ALDH4A1: variants seen among roughly 807,000 people sequenced by gnomAD.
ALDH4A1 encodes the protein delta-1-pyrroline-5-carboxylate dehydrogenase, mitochondrial.
A neutral mutation model predicts 70.5 loss-of-function variants in ALDH4A1; 46 were observed. That is an observed-to-expected ratio of 0.65 (90% CI 0.51 to 0.83). The LOEUF is 0.83. ALDH4A1 is among the 40% of genes least tolerant of loss of function. The pLI, the probability that ALDH4A1 is intolerant of heterozygous loss-of-function variation, is 0.00. For synonymous variants in ALDH4A1, 323 were observed against 324.3 expected, an observed-to-expected ratio of 1.00 and a Z score of 0.04; for missense variants, 749 against 766.5, an observed-to-expected ratio of 0.98 and a Z score of 0.27.
intron 3 of ALDH4A1, among the ~76,000 whole-genome samples, chr1:18,888,464 A>G (rs1315296873): frequency 6.6e-6 from 1 of 152,250 alleles, no homozygotes. Context: ...CGGCAAGGCA[A>G]TGTGGGAAAT....
Position 18,902,468 on chromosome 1 carries a change from C to G in ALDH4A1, c.56G>C (p.Gly19Ala). ...GGGCCCCGTGCTCACTCACCCGGCC[C>G]CGGTCCAGGGGCGGGACAGCAGGGC... is the stretch of plus-strand genomic sequence containing the variant. ...RRALLSRPWT[G>A]AGLRWKHTSS... Residue 19 changes from glycine to alanine, a missense_variant, in exon 1 of 15, where the codon GGG becomes GCG. Gly to Ala is a moderately conservative substitution (Grantham distance 60). Coordinates refer to ENST00000375341, the MANE Select transcript of ALDH4A1 (RefSeq NM_003748.4). The G allele has an allele frequency of 7.1e-7, 1 of 1,404,906 alleles. No individual in the cohort carries two copies. The highest frequency in any genetic ancestry group is 9.3e-7 in the Non-Finnish European group (1 of 1,078,940). The allele number at this position is 1,404,906 out of a possible 1,614,324, so 87.0% of individuals were successfully genotyped here.
Position 18,876,416 on chromosome 1 carries a change from G to C in ALDH4A1, c.1237C>G (p.Leu413Val), listed in dbSNP as rs1934684247. The change falls in exon 12 of 15, where the codon CTC becomes GTC. Residue 413 changes from leucine (L) to valine (V), a missense_variant. Transcript: ENST00000375341. ...CACTTGCCCCCGGCCAGGATGGTGAGGCTGGGTGAGGAGCGTGCGTGCTCC... is the reference window on the plus strand; with the variant it reads ...CACTTGCCCCCGGCCAGGATGGTGACGCTGGGTGAGGAGCGTGCGTGCTCC... ...WLEHARSSPS[L>V]TILAGGKCDD... The C allele has an allele frequency of 6.2e-7, 1 of 1,612,240 alleles. No homozygotes were observed. Among genetic ancestry groups the C allele is most frequent in the African/African-American group, 1.3e-5 (1 of 74,886 alleles).
rs943604392 is a variant in ALDH4A1 at position 18,880,254 on chromosome 1, C to T, written c.867-881G>A. Among the ~76,000 whole-genome samples the T allele has an allele frequency of 6.0e-5, 9 of 150,850 alleles. No individual in the cohort carries two copies. Among genetic ancestry groups the T allele is most frequent in the African/African-American group, 9.8e-5 (4 of 40,998 alleles). On this transcript the variant is annotated intron_variant, in intron 8 of 14. Transcript: ENST00000375341. The surrounding 1 kb of genome is among the most constrained non-coding windows in gnomAD (Gnocchi z 5.1). The stretch of plus-strand genomic sequence containing the variant: ...AAGGACCCTGAGCTGCAGACCCGGG[C>T]GTCTGGCTGCCTCCAGGCATCTCCA...
Position 18,877,436 on chromosome 1 carries a change from T to C in ALDH4A1, c.1117A>G (p.Ser373Gly). The change falls in exon 10 of 15, where the codon AGT (serine) becomes GGT (glycine). Residue 373 changes from serine (S) to glycine (G), a missense_variant. Transcript: ENST00000375341. ...QIKGRLLEEH[S>G]RIKVGDPAED... Reference sequence around the variant, plus strand: ...CTCACGTCGCCCACTTTGATCCGACTGTGCTCCTCCAGCAGCCGCCCTTTG... The same window carrying C: ...CTCACGTCGCCCACTTTGATCCGACCGTGCTCCTCCAGCAGCCGCCCTTTG... The C allele has an allele frequency of 6.3e-7, 1 of 1,583,712 alleles. No homozygotes were observed. The highest frequency in any genetic ancestry group is 1.1e-5 in the South Asian group (1 of 87,328).
At chr1:18,902,425 G>A (rs1935832203) in intron 1 of ALDH4A1, 37 bp downstream of exon 1, 3 of 1,308,306 alleles carry the variant, frequency 2.3e-6, no homozygotes, top group South Asian at 4.1e-5. Context: ...GGCCCCAGGC[G>A]CGCGCTCGGG....
At position 18,877,415 on chromosome 1, in the gene ALDH4A1, C is replaced by T. The variant is rs1481112415; in HGVS notation, c.1137+1G>A. ...GCGGCGGGGGTGACGGTGCCACTCACGTCGCCCACTTTGATCCGACTGTGC... is the reference window on the plus strand; with the variant it reads ...GCGGCGGGGGTGACGGTGCCACTCATGTCGCCCACTTTGATCCGACTGTGC... On this transcript the variant is annotated splice_donor_variant, in intron 10 of 14. Transcript: ENST00000375341. LOFTEE classifies it high-confidence loss of function. 6.4e-7 allele frequency: 1 copy of T among 1,566,854 alleles called. No homozygotes were observed. The highest frequency in any genetic ancestry group is 8.7e-7 in the Non-Finnish European group (1 of 1,155,014).
chr1:18,885,762 C>T, intron 4 of ALDH4A1, 134 bp from the exon 5 acceptor site: 2 of 1,287,710 alleles, frequency 1.6e-6, no homozygotes, highest in Non-Finnish European at 2.1e-6. Flanking sequence ...GGCCCTCAGC[C>T]CCCTGCCACC....
intron 9 of ALDH4A1, among the ~76,000 whole-genome samples, 162 bp from the exon 10 acceptor site, chr1:18,877,774 A>G (rs1454641660): frequency 6.6e-6 from 1 of 152,192 alleles, no homozygotes; most frequent in East Asian, 1.9e-4. Flanking sequence ...AACATCCCAG[A>G]GACCCACGGG....
At chr1:18,877,662 TTG>T (rs755759068) in intron 9 of ALDH4A1, 50 bp from the exon 10 acceptor site, 1 of 1,355,142 alleles carries the variant, frequency 7.4e-7, no homozygotes, top group South Asian at 1.2e-5. Flanking sequence ...GCTCCCCCGG[TTG>T]CCCAGGGGCC....
At chr1:18,881,567 T>C (rs2100570919) in intron 8 of ALDH4A1, 133 bp downstream of exon 8, 7 of 939,624 alleles carry the variant, frequency 7.4e-6, no homozygotes, top group Non-Finnish European at 1.2e-5. Context: ...GGCTCACTCA[T>C]AGCCACACAG....
chr1:18,874,408 T>C, intron 14 of ALDH4A1, 55 bp downstream of exon 14: 2 of 1,526,058 alleles, frequency 1.3e-6, no homozygotes, highest in Non-Finnish European at 1.8e-6. Context: ...AGACGTAACA[T>C]CTAGGGTCTC....
At chr1:18,875,592 C>T in intron 12 of ALDH4A1, 89 bp from the exon 13 acceptor site, 1 of 1,599,704 alleles carries the variant, frequency 6.3e-7, no homozygotes, top group Non-Finnish European at 8.6e-7. Context: ...GGCTCACCCT[C>T]TCCCCAGTCC....
At chr1:18,877,137 A>G (rs1934729673) in intron 11 of ALDH4A1, 71 bp downstream of exon 11, 1 of 1,554,698 alleles carries the variant, frequency 6.4e-7, no homozygotes, top group Non-Finnish European at 8.7e-7. Context: ...GGTACCCTGT[A>G]TCTCTTCCTC....
At chr1:18,873,785 G>C (rs1934551296) in intron 14 of ALDH4A1, among the ~76,000 whole-genome samples, 3 of 152,180 alleles carry the variant, frequency 2.0e-5, no homozygotes, top group African/African-American at 7.2e-5. Context: ...GTAATAGTAA[G>C]CACGCTTCCC....
chr1:18,885,548 C>A lies in ALDH4A1; in HGVS notation c.378G>T (p.Gln126His), dbSNP rs1169067450. ...WDLKPIADRA[Q>H]IFLKAADMLS... ...GCATGTCTGCCGCCTTCAGGAAGAT[C>A]TGGGCCCGGTCTGCAATAGGCTTCA... The change falls in exon 5 of 15, where the codon CAG (glutamine) becomes CAT (histidine). Residue 126 changes from glutamine to histidine, a missense_variant. Coordinates refer to ENST00000375341, the MANE Select transcript of ALDH4A1 (RefSeq NM_003748.4). The A allele has an allele frequency of 6.2e-7, 1 of 1,611,018 alleles. No homozygotes were observed. Among genetic ancestry groups the A allele is most frequent in the South Asian group, 1.1e-5 (1 of 90,420 alleles).
intron 1 of ALDH4A1, among the ~76,000 whole-genome samples, chr1:18,893,154 T>A (rs961832314): frequency 9.2e-5 from 14 of 152,124 alleles, no homozygotes; most frequent in African/African-American, 3.1e-4. Flanking sequence ...TCCCAGTGGA[T>A]GGGAAAAGCA....
intron 4 of ALDH4A1, 136 bp downstream of exon 4, chr1:18,886,328 C>A (rs1242644266): frequency 5.1e-6 from 5 of 978,142 alleles, no homozygotes; most frequent in Admixed American, 3.8e-5. Context: ...TCAGCCACCC[C>A]CTGCCCACCT....
intron 7 of ALDH4A1, chr1:18,882,577 T>C (rs1935024988): frequency 1.9e-6 from 1 of 533,834 alleles, no homozygotes; most frequent in African/African-American, 1.9e-5. Flanking sequence ...CTCCATCATT[T>C]ATTTACTAGT....
intron 1 of ALDH4A1, among the ~76,000 whole-genome samples, chr1:18,892,021 C>A (rs983548402): frequency 1.3e-5 from 2 of 150,570 alleles, no homozygotes; most frequent in South Asian, 2.1e-4. Flanking sequence ...GAGCAAGATT[C>A]CATCTCAAGG....
Sources: gnomAD v4.1 joint callset for allele counts (sites outside exome capture counted in the v4.1 genomes callset) on GRCh38, gnomAD v4.1.1 for gene constraint, Gnocchi (gnomAD v3.1) non-coding constraint, MANE v1.5 for transcripts, NCBI Gene and HGNC (gene_info 2026-07-23, HGNC 2026-07-21) for gene names.